CDH13: variants seen among roughly 807,000 people sequenced by gnomAD.
The protein encoded by CDH13 is cadherin 13.
In CDH13, 24 loss-of-function variants were observed where a neutral mutation model predicts 63.8. That is an observed-to-expected ratio of 0.38 (90% CI 0.27 to 0.53). CDH13 has a LOEUF of 0.53. Ranked by LOEUF, CDH13 falls within the 20% of genes least tolerant of loss-of-function variation. The pLI is 0.85. For missense variants in CDH13, 1,049 were observed against 903.1 expected (o/e 1.16, Z -2.07); for synonymous variants, 503 against 355.3 (o/e 1.42, Z -4.67).
intron 6 of CDH13, among the ~76,000 whole-genome samples, chr16:83,361,085 C>T (rs2091153039): frequency 1.3e-5 from 2 of 152,188 alleles, no homozygotes; most frequent in Non-Finnish European, 2.9e-5. Context: ...TTCTCCACAG[C>T]CTCATCAGCA....
rs1904303259 is a variant in CDH13, at chr16:83,799,424, T to C, written c.*4394T>C. Reference sequence around the variant, plus strand: ...AAGTGGGGTGGGGTCTCAAAGGGTTTGCACTGTGCTTTGCTATAAATCATT... The same window carrying C: ...AAGTGGGGTGGGGTCTCAAAGGGTTCGCACTGTGCTTTGCTATAAATCATT... On this transcript the variant is annotated 3_prime_UTR_variant, in exon 14 of 14. Transcript: ENST00000567109. 1 of 152,116 alleles carries C rather than the reference T, an allele frequency of 6.6e-6. No individual in the cohort carries two copies. Among genetic ancestry groups the C allele is most frequent in the Non-Finnish European group, 1.5e-5 (1 of 68,030 alleles). The allele number at this position is 152,116 out of a possible 1,614,324, so 9.4% of individuals were successfully genotyped here. A position where few individuals can be genotyped will look rare whatever the true frequency, so the allele number is the denominator to read the frequency against.
At chr16:83,003,809 G>T (rs547612323) in intron 2 of CDH13, among the ~76,000 whole-genome samples, 2 of 152,300 alleles carry the variant, frequency 1.3e-5, no homozygotes, top group East Asian at 3.9e-4. Flanking sequence ...AATGTGAACA[G>T]GGCTTAACCA....
At chr16:83,398,018 A>T (rs2091913216) in intron 6 of CDH13, 17 of 129,988 alleles carry the variant, frequency 1.3e-4, no homozygotes, top group Admixed American at 1.3e-3. Flanking sequence ...CTGGGGAAAA[A>T]ATACCCATGT....
At chr16:82,999,045 C>T (rs72794134) in intron 2 of CDH13, among the ~76,000 whole-genome samples, 214 of 152,136 alleles carry the variant, frequency 1.4e-3, no homozygotes, top group South Asian at 3.3e-3. Context: ...TATTCTTCCA[C>T]GTTCCATCAG....
chr16:83,114,857 A>G lies in CDH13; in HGVS notation c.367-10528A>G, dbSNP rs189538923. Among the ~76,000 whole-genome samples the G allele has an allele frequency of 2.2e-3, 339 of 152,374 alleles. 2 individuals carry two copies. The highest frequency in any genetic ancestry group is 3.0e-3 in the Non-Finnish European group (207 of 68,044). ...GTGTTTGATTGCATACAAAATGTGA[A>G]TTGAGTAGCACAGAACTGTCCTCCT... On this transcript the variant is annotated intron_variant, in intron 3 of 13. Coordinates refer to ENST00000567109, the MANE Select transcript of CDH13 (RefSeq NM_001257.5).
intron 1 of CDH13, among the ~76,000 whole-genome samples, chr16:82,629,683 G>A (rs12051272): frequency 6.6e-6 from 1 of 152,146 alleles, no homozygotes; most frequent in East Asian, 1.9e-4. Context: ...AAGCTTATTG[G>A]CTTGGTTGTT....
intron 6 of CDH13, among the ~76,000 whole-genome samples, chr16:83,477,589 C>T (rs2073639621): frequency 1.3e-5 from 2 of 152,152 alleles, no homozygotes; most frequent in African/African-American, 4.8e-5. Context: ...CCAGATCATT[C>T]TCGGACAGAT....
At chr16:83,131,345 C>G (rs559839916) in intron 4 of CDH13, among the ~76,000 whole-genome samples, 23 of 152,246 alleles carry the variant, frequency 1.5e-4, no homozygotes, top group African/African-American at 5.5e-4. Flanking sequence ...GGTAAAACAC[C>G]CAGTCGTGAA....
chr16:82,917,914 C>CAAAAAAAAAAAAAA (rs34766700), intron 2 of CDH13, among the ~76,000 whole-genome samples: 8 of 45,952 alleles, frequency 1.7e-4, no homozygotes, highest in Middle Eastern at 0.013. Flanking sequence ...GACTCCATGT[C>CAAAAAAAAAAAAAA]AAAAAAAAAA....
At chr16:82,684,135 G>C (rs1914829558) in intron 1 of CDH13, among the ~76,000 whole-genome samples, 1 of 152,156 alleles carries the variant, frequency 6.6e-6, no homozygotes, top group Non-Finnish European at 1.5e-5. Context: ...ATCGTATTTG[G>C]GGAAAATGGT....
At chr16:83,575,374 C>G (rs577828098) in intron 7 of CDH13, among the ~76,000 whole-genome samples, 1 of 152,346 alleles carries the variant, frequency 6.6e-6, no homozygotes, top group African/African-American at 2.4e-5. Context: ...CACACTATAG[C>G]CAGAATAATC....
chr16:82,688,743 G>A lies in CDH13; in HGVS notation c.45+61606G>A, dbSNP rs1915337875. Among the ~76,000 whole-genome samples, 3 of 152,174 alleles carry A rather than the reference G, an allele frequency of 2.0e-5. No individual in the cohort carries two copies. The South Asian group carries it at 6.2e-4, about 32-fold the overall frequency. Reference sequence around the variant, plus strand: ...TAAAAAATATATTTTCAATATTAAGGAATTTGTTGTTATTGTTATTTACAA... The same window carrying A: ...TAAAAAATATATTTTCAATATTAAGAAATTTGTTGTTATTGTTATTTACAA... On this transcript the variant is annotated intron_variant, in intron 1 of 13. Transcript: ENST00000567109.
At chr16:82,746,107 T>C (rs917203702) in intron 1 of CDH13, among the ~76,000 whole-genome samples, 3 of 151,432 alleles carry the variant, frequency 2.0e-5, no homozygotes, top group Non-Finnish European at 3.0e-5. Flanking sequence ...TCTCTCTATA[T>C]ATACATACAT....
In CDH13 at chr16:83,618,104, A is replaced by T. The variant is rs182904211; in HGVS notation, c.1101+15510A>T. Among the ~76,000 whole-genome samples, 275 of 152,308 alleles carry T rather than the reference A, an allele frequency of 1.8e-3. 1 individual carries two copies. Among genetic ancestry groups the T allele is most frequent in the African/African-American group, 6.2e-3 (256 of 41,562 alleles). ...ATGGTCGATGCTTGACAACAAAGACAATCAGAATCTCTGAGTCATGTTGTT... is the reference window on the plus strand; with the variant it reads ...ATGGTCGATGCTTGACAACAAAGACTATCAGAATCTCTGAGTCATGTTGTT... On this transcript the variant is annotated intron_variant, in intron 8 of 13. Transcript: ENST00000567109.
intron 4 of CDH13, among the ~76,000 whole-genome samples, chr16:83,185,699 G>A (rs1198175109): frequency 1.3e-5 from 2 of 152,130 alleles, no homozygotes; most frequent in East Asian, 1.9e-4. Flanking sequence ...ATGTTCTGCA[G>A]GTTATCATAA....
intron 5 of CDH13, among the ~76,000 whole-genome samples, chr16:83,248,933 A>T (rs2151822786): frequency 6.6e-6 from 1 of 152,304 alleles, no homozygotes; most frequent in South Asian, 2.1e-4. Flanking sequence ...CTCAACACTT[A>T]ACTCGTGCCC....
At chr16:83,439,885 C>G (rs533643566) in intron 6 of CDH13, among the ~76,000 whole-genome samples, 4 of 152,166 alleles carry the variant, frequency 2.6e-5, no homozygotes, top group Admixed American at 6.5e-5. Context: ...TGTCCTTTCT[C>G]TAACAAAGTC....
At chr16:83,027,783 A>G (rs73594288) in intron 2 of CDH13, among the ~76,000 whole-genome samples, 20,174 of 152,160 alleles carry the variant, frequency 0.13, 1,412 homozygotes, top group African/African-American at 0.17. Context: ...GTCTGTGCCA[A>G]TCTAACTGCT....
chr16:82,656,062 C>T (rs1185716341), intron 1 of CDH13, among the ~76,000 whole-genome samples: 5 of 152,144 alleles, frequency 3.3e-5, no homozygotes, highest in African/African-American at 9.7e-5. Context: ...GCAAAAGGAA[C>T]TCTGATTTCG....
Sources: allele counts gnomAD v4.1 joint callset (sites outside exome capture counted in the v4.1 genomes callset), GRCh38; gene constraint gnomAD v4.1.1; transcripts MANE v1.5; gene names NCBI Gene and HGNC (gene_info 2026-07-23, HGNC 2026-07-21).